The following MFHAS1 variants were observed in gnomAD, a reference collection of about 807,000 sequenced individuals.
MFHAS1 encodes the protein multifunctional ROCO family signaling regulator 1.
Under a neutral mutation model 70.4 loss-of-function variants are expected in MFHAS1, and 50 were observed. That is an observed-to-expected ratio of 0.71 (90% CI 0.57 to 0.90). The LOEUF (loss-of-function observed/expected upper bound fraction) is 0.90, where lower values mean the gene tolerates loss of function less well. Ranked by LOEUF, MFHAS1 falls within the 40% of genes least tolerant of loss-of-function variation. The pLI is 0.00. For synonymous variants in MFHAS1, 952 were observed against 620.0 expected (o/e 1.54, Z -7.96); for missense variants, 1,795 against 1,347.6 (o/e 1.33, Z -5.20).
intron 1 of MFHAS1, among the ~76,000 whole-genome samples, chr8:8,883,694 C>T (rs372442655): frequency 1.2e-3 from 127 of 108,042 alleles, no homozygotes; most frequent in Admixed American, 8.1e-3. Flanking sequence ...GGCAACAGAG[C>T]GAGACTCAGT....
chr8:8,873,569 G>A (rs1809172805), intron 1 of MFHAS1, among the ~76,000 whole-genome samples: 1 of 151,256 alleles, frequency 6.6e-6, no homozygotes, highest in South Asian at 2.1e-4. Flanking sequence ...CAAAGAGTGT[G>A]GGTAATCTCT....
At chr8:8,869,791 A>AG (rs1809002025) in intron 1 of MFHAS1, among the ~76,000 whole-genome samples, 2 of 152,176 alleles carry the variant, frequency 1.3e-5, no homozygotes, top group African/African-American at 2.4e-5. Context: ...GGATGAGGAA[A>AG]CCGGAGCCTG....
At chr8:8,817,019 C>G (rs1302606968) in intron 1 of MFHAS1, among the ~76,000 whole-genome samples, 1 of 152,182 alleles carries the variant, frequency 6.6e-6, no homozygotes, top group African/African-American at 2.4e-5. Context: ...AGCTTTAGTT[C>G]ATCCAACACT....
intron 1 of MFHAS1, among the ~76,000 whole-genome samples, chr8:8,809,450 A>G (rs1001016120): frequency 6.6e-5 from 10 of 152,070 alleles, no homozygotes; most frequent in Admixed American, 1.3e-4. Flanking sequence ...ACAAGGACTT[A>G]CACCATCCTC....
At chr8:8,887,024 G>C (rs1209270920) in intron 1 of MFHAS1, among the ~76,000 whole-genome samples, 6 of 152,292 alleles carry the variant, frequency 3.9e-5, no homozygotes, top group South Asian at 4.1e-4. Context: ...CTACTTGGGA[G>C]GCTGAGGCAG....
intron 1 of MFHAS1, among the ~76,000 whole-genome samples, chr8:8,801,608 GTTTA>G (rs1267543547): frequency 6.6e-6 from 1 of 152,186 alleles, no homozygotes; most frequent in Non-Finnish European, 1.5e-5. Flanking sequence ...ATGAAGAATG[GTTTA>G]TTTGTGTGCT....
At chr8:8,817,629 G>T (rs1806796864) in intron 1 of MFHAS1, among the ~76,000 whole-genome samples, 1 of 152,202 alleles carries the variant, frequency 6.6e-6, no homozygotes, top group South Asian at 2.1e-4. Context: ...CCTTGCTGTG[G>T]CTCTAACCCA....
chr8:8,891,997 G>C lies in MFHAS1; in HGVS notation c.1062C>G (p.Ile354Met). The C allele has an allele frequency of 6.2e-7, 1 of 1,613,534 alleles. No individual in the cohort carries two copies. Among genetic ancestry groups the C allele is most frequent in the Non-Finnish European group, 8.5e-7 (1 of 1,179,968 alleles). ...LEELVLQGNQ[I>M]AVLPDHFGQL... ...GGCCAAAGTGGTCGGGCAGCACCGC[G>C]ATCTGGTTCCCCTGCAGCACGAGCT... The change falls in exon 1 of 3, where the codon ATC becomes ATG. Residue 354 changes from isoleucine to methionine, a missense_variant. Coordinates refer to ENST00000276282, the MANE Select transcript of MFHAS1 (RefSeq NM_004225.3). The surrounding 1 kb of genome is among the most constrained non-coding windows in gnomAD (Gnocchi z 5.4).
intron 1 of MFHAS1, among the ~76,000 whole-genome samples, chr8:8,884,077 CACACAA>C (rs1268708568): frequency 5.8e-5 from 7 of 120,422 alleles, no homozygotes; most frequent in African/African-American, 2.3e-4. Context: ...CACACACACA[CACACAA>C]AAAGAAAAAA....
intron 1 of MFHAS1, among the ~76,000 whole-genome samples, chr8:8,841,656 A>C (rs975851712): frequency 1.2e-4 from 18 of 152,196 alleles, no homozygotes; most frequent in African/African-American, 4.3e-4. Context: ...AAAGGAAGTT[A>C]AGTAGCTCCT....
At chr8:8,797,333 G>A in intron 2 of MFHAS1, 32 bp downstream of exon 2, 1 of 1,610,562 alleles carries the variant, frequency 6.2e-7, no homozygotes. Flanking sequence ...CAGGAGCCAG[G>A]TCCCGGGGCC....
chr8:8,803,827 C>T (rs1023309281), intron 1 of MFHAS1, among the ~76,000 whole-genome samples: 7 of 151,976 alleles, frequency 4.6e-5, no homozygotes, highest in African/African-American at 1.2e-4. Context: ...CAAAAATTAG[C>T]GGGGCATCGT....
intron 2 of MFHAS1, among the ~76,000 whole-genome samples, chr8:8,791,690 A>G (rs1229942419): frequency 6.6e-6 from 1 of 152,208 alleles, no homozygotes; most frequent in Non-Finnish European, 1.5e-5. Context: ...AATGCGGTCT[A>G]CTTGCTTCCT....
chr8:8,816,603 G>GA (rs574218561), intron 1 of MFHAS1, among the ~76,000 whole-genome samples: 320 of 152,080 alleles, frequency 2.1e-3, no homozygotes, highest in African/African-American at 6.7e-3. Flanking sequence ...GTTGGTAAAA[G>GA]AAAAAAAGTA....
intron 1 of MFHAS1, chr8:8,821,751 T>C (rs535949975): frequency 1.3e-5 from 2 of 152,232 alleles, no homozygotes; most frequent in African/African-American, 2.4e-5. Flanking sequence ...CCTATTGCTA[T>C]CAAACCTAGT....
chr8:8,798,796 C>T (rs1805989817), intron 1 of MFHAS1, among the ~76,000 whole-genome samples: 1 of 152,130 alleles, frequency 6.6e-6, no homozygotes, highest in African/African-American at 2.4e-5. Context: ...CACCTGCAAT[C>T]CTAGCAGTTT....
intron 1 of MFHAS1, among the ~76,000 whole-genome samples, chr8:8,855,325 G>T (rs115734034): frequency 6.6e-6 from 1 of 152,290 alleles, no homozygotes; most frequent in African/African-American, 2.4e-5. Context: ...TTAAGACATG[G>T]CATCTTACCA....
intron 1 of MFHAS1, among the ~76,000 whole-genome samples, chr8:8,833,091 G>C (rs372170406): frequency 1.3e-5 from 2 of 152,116 alleles, no homozygotes. Context: ...AGAAAGAGAA[G>C]GGAAGGTGCC....
At position 8,892,865 on chromosome 8, in the gene MFHAS1, A is replaced by T; in HGVS notation, c.194T>A (p.Ile65Asn). 1 of 1,594,318 alleles carries T rather than the reference A, an allele frequency of 6.3e-7. No individual in the cohort carries two copies. Among genetic ancestry groups the T allele is most frequent in the South Asian group, 1.1e-5 (1 of 88,560 alleles). Residue 65 changes from isoleucine (I) to asparagine (N), a missense_variant, in exon 1 of 3, where the codon ATT becomes AAT. By Grantham distance (149) the Ile-to-Asn change is moderately radical (BLOSUM62 -3). Coordinates refer to ENST00000276282, the MANE Select transcript of MFHAS1 (RefSeq NM_004225.3). This position sits in a 1 kb window ranked among gnomAD's most constrained non-coding sequence, Gnocchi z 4.7. Reference sequence around the variant, plus strand: ...GTTGTTCCCCAGGTTCAGTGCCTCAATGTCCCCGAGGTTGGCCGGCAGCAC... The same window carrying T: ...GTTGTTCCCCAGGTTCAGTGCCTCATTGTCCCCGAGGTTGGCCGGCAGCAC... Reference protein sequence around the residue: ...QLVLPANLGDIEALNLGNNGL... With the variant: ...QLVLPANLGDNEALNLGNNGL...
Sources: gnomAD v4.1 joint callset for allele counts (sites outside exome capture counted in the v4.1 genomes callset) on GRCh38, gnomAD v4.1.1 for gene constraint, Gnocchi (gnomAD v3.1) non-coding constraint, MANE v1.5 for transcripts, NCBI Gene and HGNC (gene_info 2026-07-23, HGNC 2026-07-21) for gene names.